Variants in FRMPD1 observed in about 807,000 individuals in gnomAD.
FRMPD1 encodes the protein FERM and PDZ domain-containing protein 1.
FRMPD1 carries 76 observed loss-of-function variants against 117.8 expected under a neutral mutation model. That is an observed-to-expected ratio of 0.65 (90% CI 0.54 to 0.78). FRMPD1 has a LOEUF of 0.78. FRMPD1 is among the 30% of genes least tolerant of loss of function. FRMPD1 has a pLI of 0.00. For synonymous variants in FRMPD1, 783 were observed against 770.4 expected, an observed-to-expected ratio of 1.02 and a Z score of -0.27; for missense variants, 1,786 against 1,964.5, an observed-to-expected ratio of 0.91 and a Z score of 1.72.
chr9:37,740,064 A>G lies in FRMPD1; in HGVS notation c.1550-14A>G, dbSNP rs1351684082. On this transcript the variant is annotated splice_polypyrimidine_tract_variant and intron_variant, in intron 14 of 15. Coordinates refer to ENST00000377765, the MANE Select transcript of FRMPD1 (RefSeq NM_014907.3). This position sits in a 1 kb window ranked among gnomAD's most constrained non-coding sequence, Gnocchi z 4.2. ...AATTCTGTTGTGTAACTGTTGCTGT[A>G]CCCTGTGTTGCAGGCTATGAATCCA... 6.4e-7 allele frequency: 1 copy of G among 1,559,396 alleles called. No individual in the cohort carries two copies. The highest frequency in any genetic ancestry group is 1.4e-5 in the African/African-American group (1 of 73,370).
At chr9:37,716,189 A>T (rs1456237588) in intron 5 of FRMPD1, among the ~76,000 whole-genome samples, 1 of 152,162 alleles carries the variant, frequency 6.6e-6, no homozygotes, top group Non-Finnish European at 1.5e-5. Flanking sequence ...GCTCAATCAC[A>T]CTGTCGGCTT....
intron 1 of FRMPD1, among the ~76,000 whole-genome samples, chr9:37,677,337 C>T (rs1457810204): frequency 6.6e-6 from 1 of 152,174 alleles, no homozygotes; most frequent in African/African-American, 2.4e-5. Flanking sequence ...CCTTCCTTAC[C>T]CAGACACAGA....
chr9:37,711,352 A>G lies in FRMPD1; in HGVS notation c.365A>G (p.Glu122Gly), dbSNP rs1255111823. 4 of 1,605,194 alleles carry G rather than the reference A, an allele frequency of 2.5e-6. No homozygotes were observed. The African/African-American group carries it at 5.4e-5, about 21-fold the overall frequency. Residue 122 changes from glutamate (E) to glycine (G), a missense_variant and splice_region_variant, in exon 5 of 16, where the codon GAA becomes GGA. Glu to Gly is a moderately conservative substitution (Grantham distance 98, BLOSUM62 -2). Coordinates refer to ENST00000377765, the MANE Select transcript of FRMPD1 (RefSeq NM_014907.3). ...SWERAVDILREAEDSLSITVV... is the reference protein window; with the variant it reads ...SWERAVDILRGAEDSLSITVV... ...GTCTTTATTCTTTCTTTTTTCAGGG[A>G]AGCAGAAGATTCTCTTTCAATCACA...
chr9:37,616,813 A>G, the FRMPD1 span, among the ~76,000 whole-genome samples: 1 of 152,208 alleles, frequency 6.6e-6, no homozygotes, highest in Non-Finnish European at 1.5e-5. Context: ...CAGAGTTGGC[A>G]GGAGCAAAGA....
At chr9:37,652,816 T>C (rs1820718560) in intron 1 of FRMPD1, among the ~76,000 whole-genome samples, 1 of 152,258 alleles carries the variant, frequency 6.6e-6, no homozygotes, top group Middle Eastern at 3.4e-3. Context: ...TTAGGTTCTG[T>C]TGGGGAATAG....
chr9:37,725,438 A>C (rs1324252764), intron 7 of FRMPD1, among the ~76,000 whole-genome samples: 1 of 152,226 alleles, frequency 6.6e-6, no homozygotes, highest in Middle Eastern at 3.2e-3. Context: ...TGCACAGTAC[A>C]TTCACACACA....
Position 37,735,646 on chromosome 9 carries a change from T to G in FRMPD1, c.1313T>G (p.Leu438Trp), listed in dbSNP as rs753280957. The change falls in exon 13 of 16, where the codon TTG becomes TGG. Residue 438 changes from leucine to tryptophan, a missense_variant. Leu to Trp is a moderately conservative substitution (Grantham distance 61). Coordinates refer to ENST00000377765, the MANE Select transcript of FRMPD1 (RefSeq NM_014907.3). ...INSKLNIMST[L>W]AEFANISRVE... ...AGCAAACTCAACATCATGTCCACAT[T>G]GGCAGAGTTTGCAAACATCAGCCGT... 4 of 1,613,834 alleles carry G rather than the reference T, an allele frequency of 2.5e-6. No individual in the cohort carries two copies. The Admixed American group carries it at 6.7e-5, about 27-fold the overall frequency.
At chr9:37,606,567 C>T in the FRMPD1 span, among the ~76,000 whole-genome samples, 11 of 152,172 alleles carry the variant, frequency 7.2e-5, no homozygotes, top group Non-Finnish European at 1.0e-4. Flanking sequence ...TGCTAAATAG[C>T]GTTTTCTTCT....
intron 1 of FRMPD1, among the ~76,000 whole-genome samples, chr9:37,684,756 A>G (rs7469365): frequency 0.15 from 22,331 of 151,492 alleles, 1,681 homozygotes; most frequent in Middle Eastern, 0.19. Context: ...TGATTCCCCA[A>G]TTTTTTTTTA....
chr9:37,637,964 C>CTTTTT, the FRMPD1 span, among the ~76,000 whole-genome samples: 9,236 of 31,098 alleles, frequency 0.3, 1,985 homozygotes, highest in East Asian at 0.65. Context: ...ATGGTGTATG[C>CTTTTT]TTTCTTTCTT....
rs1031710309 is a variant in FRMPD1 at position 37,704,698 on chromosome 9, G to A, written c.102-2718G>A. ...ATGTTAAATCACTCCCTAAAATATA[G>A]TTAGTATTCATAAATGTTATTAATT... On this transcript the variant is annotated intron_variant, in intron 2 of 15. Transcript: ENST00000377765. Among the ~76,000 whole-genome samples, 14 of 151,844 alleles carry A rather than the reference G, an allele frequency of 9.2e-5. No homozygotes were observed. The South Asian group carries it at 2.9e-3, about 31-fold the overall frequency.
At chr9:37,646,277 A>T (rs1322266269), upstream of FRMPD1, among the ~76,000 whole-genome samples, 1 of 152,212 alleles carries the variant, frequency 6.6e-6, no homozygotes, top group Non-Finnish European at 1.5e-5. Flanking sequence ...TCCAATGTGG[A>T]TTCACTTCAG....
the FRMPD1 span, among the ~76,000 whole-genome samples, chr9:37,644,706 G>A: frequency 8.5e-5 from 13 of 152,260 alleles, no homozygotes; most frequent in South Asian, 8.3e-4. Context: ...CCAGCTCTGT[G>A]ACCTCATACC....
the FRMPD1 span, among the ~76,000 whole-genome samples, chr9:37,614,618 G>T: frequency 5.3e-4 from 81 of 152,302 alleles, no homozygotes; most frequent in African/African-American, 1.8e-3. Context: ...TGCCCCTGAG[G>T]TTCGGAAGTC....
intron 1 of FRMPD1, among the ~76,000 whole-genome samples, chr9:37,692,401 G>A (rs1822169710): frequency 6.6e-6 from 1 of 152,150 alleles, no homozygotes; most frequent in Admixed American, 6.5e-5. Flanking sequence ...TCATCCTTAT[G>A]TTTAACTGTT....
the FRMPD1 span, among the ~76,000 whole-genome samples, chr9:37,636,289 C>T: frequency 1.3e-5 from 2 of 152,108 alleles, no homozygotes; most frequent in Non-Finnish European, 2.9e-5. Flanking sequence ...CAGTAGAGGC[C>T]GGGGAGACCC....
At chr9:37,725,778 A>ACAGGC (rs1482268709) in intron 7 of FRMPD1, among the ~76,000 whole-genome samples, 1 of 152,248 alleles carries the variant, frequency 6.6e-6, no homozygotes, top group East Asian at 1.9e-4. Flanking sequence ...AGAAGAGAAA[A>ACAGGC]CAGGCCCAAG....
the FRMPD1 span, among the ~76,000 whole-genome samples, chr9:37,614,964 T>G: frequency 6.6e-6 from 1 of 152,176 alleles, no homozygotes; most frequent in Non-Finnish European, 1.5e-5. Context: ...ATTAAAAGAA[T>G]GTTTAGAGGC....
intron 9 of FRMPD1, among the ~76,000 whole-genome samples, chr9:37,732,075 T>C (rs970170021): frequency 1.3e-5 from 2 of 152,164 alleles, no homozygotes; most frequent in African/African-American, 4.8e-5. Context: ...ATATGCATTA[T>C]CTAATTTAAG....
Sources: allele counts gnomAD v4.1 joint callset (sites outside exome capture counted in the v4.1 genomes callset), GRCh38; gene constraint gnomAD v4.1.1; non-coding constraint Gnocchi (gnomAD v3.1); transcripts MANE v1.5; gene names NCBI Gene and HGNC (gene_info 2026-07-23, HGNC 2026-07-21).